The following DSCAML1 variants were observed in gnomAD, a reference collection of about 807,000 sequenced individuals.
The protein encoded by DSCAML1 is cell adhesion molecule DSCAML1.
Under a neutral mutation model 200.5 loss-of-function variants are expected in DSCAML1, and 38 were observed. That is an observed-to-expected ratio of 0.19 (90% CI 0.15 to 0.25). DSCAML1 has a LOEUF of 0.25. Among genes scored for constraint, DSCAML1 ranks in the 10% least tolerant of loss-of-function variants. DSCAML1 has a pLI of 1.00. For synonymous variants in DSCAML1, 1,215 were observed against 1,165.0 expected (o/e 1.04, Z -0.87); for missense variants, 2,223 against 2,858.8 (o/e 0.78, Z 5.07).
At chr11:117,666,321 C>T (rs1337052314) in intron 3 of DSCAML1, among the ~76,000 whole-genome samples, 1 of 152,138 alleles carries the variant, frequency 6.6e-6, no homozygotes, top group Non-Finnish European at 1.5e-5. Context: ...AAGAACCCAC[C>T]CAGTAGCTAG....
intron 11 of DSCAML1, among the ~76,000 whole-genome samples, chr11:117,499,512 C>T (rs921421369): frequency 3.3e-5 from 5 of 152,158 alleles, no homozygotes; most frequent in African/African-American, 1.2e-4. Flanking sequence ...CCTTTTTACT[C>T]TGTGATCCTT....
At chr11:117,594,338 A>G (rs892314569) in intron 3 of DSCAML1, among the ~76,000 whole-genome samples, 1 of 152,248 alleles carries the variant, frequency 6.6e-6, no homozygotes, top group Non-Finnish European at 1.5e-5. Context: ...GGTTTTGTGC[A>G]TGAAATGCCA....
intron 3 of DSCAML1, among the ~76,000 whole-genome samples, chr11:117,759,547 G>T (rs1453559989): frequency 6.6e-6 from 1 of 152,090 alleles, no homozygotes; most frequent in East Asian, 1.9e-4. Flanking sequence ...ACTTTCTCTT[G>T]TAATGTGAGC....
chr11:117,683,587 T>C (rs2053348085), intron 3 of DSCAML1, among the ~76,000 whole-genome samples: 1 of 152,136 alleles, frequency 6.6e-6, no homozygotes, highest in Non-Finnish European at 1.5e-5. Context: ...AGCTGGTGGA[T>C]AAAAGAGGCC....
At chr11:117,476,452 A>G (rs1446554809) in intron 14 of DSCAML1, among the ~76,000 whole-genome samples, 1 of 152,186 alleles carries the variant, frequency 6.6e-6, no homozygotes, top group African/African-American at 2.4e-5. Flanking sequence ...AGCTCACGAC[A>G]TCTCAACACC....
chr11:117,539,923 A>G (rs188823585), intron 3 of DSCAML1, among the ~76,000 whole-genome samples: 1 of 152,354 alleles, frequency 6.6e-6, no homozygotes, highest in East Asian at 1.9e-4. Flanking sequence ...ATATACATAC[A>G]ATGGAATATT....
At chr11:117,462,571 T>C (rs751019320) in intron 17 of DSCAML1, among the ~76,000 whole-genome samples, 4 of 152,238 alleles carry the variant, frequency 2.6e-5, no homozygotes, top group Non-Finnish European at 5.9e-5. Flanking sequence ...CTCTAATTTT[T>C]ATGAGCATTT....
Position 117,437,012 on chromosome 11 carries a change from C to T in DSCAML1, c.4720+110G>A, listed in dbSNP as rs76938791. On this transcript the variant is annotated intron_variant, in intron 26 of 32. Transcript: ENST00000651296. This position sits in a 1 kb window ranked among gnomAD's most constrained non-coding sequence, Gnocchi z 5.3. ...GCCAGCATTTCCCCCACCTGCATTC[C>T]TGCCTGTTTTTCTATTAGTCTGTCT... 6,434 of 1,422,228 alleles carry T rather than the reference C, an allele frequency of 4.5e-3. 226 individuals are homozygous for T. The African/African-American group carries it at 0.079, about 17-fold the overall frequency. 88.1% of individuals were successfully genotyped at this position (1,422,228 alleles called of 1,614,324 possible).
chr11:117,600,421 C>T (rs931629151), intron 3 of DSCAML1, among the ~76,000 whole-genome samples: 3 of 152,282 alleles, frequency 2.0e-5, no homozygotes, highest in Non-Finnish European at 2.9e-5. Flanking sequence ...TGGATCATGT[C>T]GGGGAGCAAA....
chr11:117,441,980 A>G (rs2048059438), intron 21 of DSCAML1, among the ~76,000 whole-genome samples: 1 of 151,780 alleles, frequency 6.6e-6, no homozygotes, highest in Non-Finnish European at 1.5e-5. Context: ...GTGTGTGTGC[A>G]TATGTGTGTG....
At chr11:117,430,151 T>G (rs369588874) in intron 32 of DSCAML1, among the ~76,000 whole-genome samples, 1 of 152,232 alleles carries the variant, frequency 6.6e-6, no homozygotes, top group African/African-American at 2.4e-5. Context: ...TGCCAGCCTC[T>G]AAGGGCATAT....
chr11:117,559,449 C>A (rs66657611), intron 3 of DSCAML1, among the ~76,000 whole-genome samples: 1 of 152,142 alleles, frequency 6.6e-6, no homozygotes, highest in East Asian at 1.9e-4. Context: ...TTCAATATAT[C>A]TCACCTTTTT....
At position 117,464,963 on chromosome 11, in the gene DSCAML1, T is replaced by C. The variant is rs752228318; in HGVS notation, c.3244A>G (p.Asn1082Asp). 2 of 1,614,094 alleles carry C rather than the reference T, an allele frequency of 1.2e-6. No individual in the cohort carries two copies. The highest frequency in any genetic ancestry group is 1.7e-6 in the Non-Finnish European group (2 of 1,180,016). Reference protein sequence around the residue: ...AGTGPSSSEINATTLEDVPSQ... With the variant: ...AGTGPSSSEIDATTLEDVPSQ... ...TCACCATCCTCCAGAGTGGTGGCAT[T>C]GATCTCGCTGGAAGAGGGCCCCGTG... is the stretch of plus-strand genomic sequence containing the variant. The change falls in exon 17 of 33, where the codon AAT becomes GAT. Residue 1082 changes from asparagine to aspartate, a missense_variant. Physicochemically the swap from Asn to Asp is conservative, Grantham distance 23 (BLOSUM62 1). Coordinates refer to ENST00000651296, the MANE Select transcript of DSCAML1 (RefSeq NM_020693.4).
At chr11:117,565,570 T>C (rs1339296897) in intron 3 of DSCAML1, among the ~76,000 whole-genome samples, 1 of 152,220 alleles carries the variant, frequency 6.6e-6, no homozygotes, top group Non-Finnish European at 1.5e-5. Flanking sequence ...GCAGGGATCT[T>C]TGTTATTCCA....
intron 19 of DSCAML1, among the ~76,000 whole-genome samples, chr11:117,458,040 C>A (rs1016893423): frequency 5.1e-4 from 77 of 152,178 alleles, no homozygotes; most frequent in African/African-American, 1.7e-3. Context: ...AGGCGGAAGC[C>A]CAGAGCTGTG....
At chr11:117,432,822 G>T (rs184214276) in intron 29 of DSCAML1, among the ~76,000 whole-genome samples, 2 of 151,644 alleles carry the variant, frequency 1.3e-5, no homozygotes, top group East Asian at 3.9e-4. Context: ...TGTTGCCCAG[G>T]CTTGTCTCGA....
chr11:117,587,993 G>A (rs544819535), intron 3 of DSCAML1, among the ~76,000 whole-genome samples: 1 of 152,162 alleles, frequency 6.6e-6, no homozygotes, highest in Non-Finnish European at 1.5e-5. Context: ...ACGACCACTG[G>A]CAGCAAATGG....
In DSCAML1 at chr11:117,653,934, G is replaced by A. The variant is rs535104694; in HGVS notation, c.512-121412C>T. 7.2e-5 allele frequency among the ~76,000 whole-genome samples: 11 copies of A among 152,310 alleles called. 1 individual carries two copies. Among genetic ancestry groups the A allele is most frequent in the Admixed American group, 7.2e-4 (11 of 15,298 alleles). The stretch of plus-strand genomic sequence containing the variant: ...CTGGCTACTCAGGAGGCTGAGGTGG[G>A]AGGATCACTTGAGCCCACGAGTTTG... On this transcript the variant is annotated intron_variant, in intron 3 of 32. Coordinates refer to ENST00000651296, the MANE Select transcript of DSCAML1 (RefSeq NM_020693.4).
At chr11:117,649,562 T>G (rs1356922472) in intron 3 of DSCAML1, among the ~76,000 whole-genome samples, 4 of 151,982 alleles carry the variant, frequency 2.6e-5, no homozygotes, top group Admixed American at 1.3e-4. Context: ...GCTCTGCATC[T>G]CTCCTCTCCT....
Sources: gnomAD v4.1 joint callset for allele counts (sites outside exome capture counted in the v4.1 genomes callset) on GRCh38, gnomAD v4.1.1 for gene constraint, Gnocchi (gnomAD v3.1) non-coding constraint, MANE v1.5 for transcripts, NCBI Gene and HGNC (gene_info 2026-07-23, HGNC 2026-07-21) for gene names.